Variants in FAM13A observed in about 807,000 individuals in gnomAD.
FAM13A encodes the protein protein FAM13A.
In FAM13A, 76 loss-of-function variants were observed where a neutral mutation model predicts 129.6. The ratio of observed to expected loss-of-function variants is 0.59; its 90% CI spans 0.49 to 0.71. The LOEUF is 0.71. FAM13A is among the 30% of genes least tolerant of loss of function. The pLI, the probability that FAM13A is intolerant of heterozygous loss-of-function variation, is 0.00. For synonymous variants in FAM13A, 443 were observed against 449.9 expected, an observed-to-expected ratio of 0.98 and a Z score of 0.20; for missense variants, 1,108 against 1,249.3, an observed-to-expected ratio of 0.89 and a Z score of 1.70.
chr4:88,920,098 G>A (rs1373158328), intron 5 of FAM13A, among the ~76,000 whole-genome samples: 10 of 152,216 alleles, frequency 6.6e-5, no homozygotes, highest in African/African-American at 2.2e-4. Context: ...GCCTGCCTCT[G>A]TAGGCTCCAC....
At chr4:88,829,748 G>A (rs1362536079) in intron 7 of FAM13A, among the ~76,000 whole-genome samples, 1 of 152,170 alleles carries the variant, frequency 6.6e-6, no homozygotes, top group Non-Finnish European at 1.5e-5. Flanking sequence ...CCAGAGGAGT[G>A]CGTGTAGGTA....
intron 2 of FAM13A, among the ~76,000 whole-genome samples, chr4:89,028,501 T>TG (rs1392427348): frequency 6.6e-6 from 1 of 151,930 alleles, no homozygotes; most frequent in Admixed American, 6.6e-5. Context: ...GGGGCAACAT[T>TG]GGGAGAACCT....
chr4:88,809,407 T>C (rs1442475552), intron 7 of FAM13A, among the ~76,000 whole-genome samples: 4 of 152,086 alleles, frequency 2.6e-5, no homozygotes, highest in African/African-American at 9.7e-5. Context: ...ACAGAAGAAA[T>C]AGTTTGTAAG....
At chr4:88,743,322 G>A (rs1014894262) in intron 19 of FAM13A, among the ~76,000 whole-genome samples, 1 of 152,098 alleles carries the variant, frequency 6.6e-6, no homozygotes, top group Admixed American at 6.6e-5. Flanking sequence ...CTTTTGTGAC[G>A]GTTTTGGTCT....
chr4:88,957,883 T>TAGAGTGA (rs1179635911), intron 4 of FAM13A, among the ~76,000 whole-genome samples: 2 of 152,198 alleles, frequency 1.3e-5, no homozygotes, highest in African/African-American at 4.8e-5. Flanking sequence ...GTTTGAACTT[T>TAGAGTGA]AGAGTGAAGA....
intron 6 of FAM13A, among the ~76,000 whole-genome samples, chr4:88,881,169 A>G (rs1743504081): frequency 6.6e-6 from 1 of 152,194 alleles, no homozygotes; most frequent in African/African-American, 2.4e-5. Context: ...GAAGCCAACC[A>G]AATAAAACTA....
intron 7 of FAM13A, among the ~76,000 whole-genome samples, chr4:88,815,724 C>T (rs535159475): frequency 7.9e-5 from 12 of 152,150 alleles, no homozygotes; most frequent in Non-Finnish European, 1.2e-4. Context: ...TCTCTATCAG[C>T]TAAGATATTG....
intron 6 of FAM13A, among the ~76,000 whole-genome samples, chr4:88,896,669 A>G (rs1036803280): frequency 6.6e-6 from 1 of 152,216 alleles, no homozygotes; most frequent in African/African-American, 2.4e-5. Flanking sequence ...AAACAAGTTA[A>G]CAATTGCTTC....
rs1023034892 is a variant in FAM13A, at chr4:89,020,443, G to C, written c.427+17C>G. ...AGTAAAGTTGTTTTAACTCCTAAAA[G>C]GATTTATTGTACTAACCCTGAAAGA... On this transcript the variant is annotated intron_variant, in intron 3 of 23. Coordinates refer to ENST00000264344, the MANE Select transcript of FAM13A (RefSeq NM_014883.4). 11 of 1,600,096 alleles carry C rather than the reference G, an allele frequency of 6.9e-6. No individual in the cohort carries two copies. The South Asian group carries it at 1.1e-4, about 16-fold the overall frequency.
chr4:88,851,157 A>G lies in FAM13A; in HGVS notation c.870T>C (p.Ser290=). Residue 290 remains serine (S), a synonymous_variant, in exon 7 of 24, where the codon TCT becomes TCC. Transcript: ENST00000264344. ...GTTGCAGTACTCTGTGGGCCTGAATAGATCCCTCACTCCTGGATTTTGGGA... is the reference window on the plus strand; with the variant it reads ...GTTGCAGTACTCTGTGGGCCTGAATGGATCCCTCACTCCTGGATTTTGGGA... ...TKIPKSRSEG[S]IQAHRVLQPE... 1 of 1,608,834 alleles carries G rather than the reference A, an allele frequency of 6.2e-7. No individual in the cohort carries two copies.
chr4:88,958,483 G>A (rs950268699), intron 4 of FAM13A, among the ~76,000 whole-genome samples: 29 of 152,230 alleles, frequency 1.9e-4, no homozygotes, highest in African/African-American at 6.3e-4. Context: ...TATAGCTTGA[G>A]TTGACACTTT....
intron 6 of FAM13A, among the ~76,000 whole-genome samples, chr4:88,856,807 A>G (rs1738588584): frequency 1.3e-5 from 2 of 152,210 alleles, no homozygotes; most frequent in South Asian, 4.1e-4. Context: ...CCTCTCTTTC[A>G]TGTTCGTTAA....
At chr4:88,784,399 G>C (rs1274429031) in intron 10 of FAM13A, among the ~76,000 whole-genome samples, 1 of 152,248 alleles carries the variant, frequency 6.6e-6, no homozygotes, top group African/African-American at 2.4e-5. Flanking sequence ...ATCTTAGATG[G>C]AGCAGGTGTA....
chr4:89,004,721 T>G (rs1183059911), intron 3 of FAM13A, among the ~76,000 whole-genome samples: 2 of 152,092 alleles, frequency 1.3e-5, no homozygotes, highest in African/African-American at 4.8e-5. Context: ...TAAAATGACT[T>G]TTCTTTTTAT....
intron 3 of FAM13A, among the ~76,000 whole-genome samples, chr4:89,005,689 G>A (rs1383975014): frequency 1.3e-5 from 2 of 152,112 alleles, no homozygotes; most frequent in African/African-American, 4.8e-5. Context: ...TTTTTCATAT[G>A]CTTATTGGCT....
At chr4:88,805,913 C>T (rs1164767697) in intron 7 of FAM13A, among the ~76,000 whole-genome samples, 3 of 152,090 alleles carry the variant, frequency 2.0e-5, no homozygotes, top group Non-Finnish European at 2.9e-5. Flanking sequence ...AGTGATCCTC[C>T]CACCTCAGCC....
chr4:88,898,798 G>T (rs1412157413), intron 6 of FAM13A, among the ~76,000 whole-genome samples: 3 of 151,832 alleles, frequency 2.0e-5, no homozygotes, highest in Non-Finnish European at 4.4e-5. Flanking sequence ...GTGGTAAAAA[G>T]GGAACACTTC....
chr4:88,855,802 T>A (rs866067125), intron 6 of FAM13A: 4 of 152,066 alleles, frequency 2.6e-5, no homozygotes, highest in Non-Finnish European at 5.9e-5. Context: ...CATGCCTCAA[T>A]CTTAATTTTT....
intron 10 of FAM13A, among the ~76,000 whole-genome samples, chr4:88,784,209 CT>C (rs965731249): frequency 3.3e-5 from 5 of 152,148 alleles, no homozygotes; most frequent in African/African-American, 1.2e-4. Flanking sequence ...TTCTACTTCA[CT>C]TTGTTGAACT....
Sources: gnomAD v4.1 joint callset for allele counts (sites outside exome capture counted in the v4.1 genomes callset) on GRCh38, gnomAD v4.1.1 for gene constraint, MANE v1.5 for transcripts, NCBI Gene and HGNC (gene_info 2026-07-23, HGNC 2026-07-21) for gene names.